Variants in ACTN1 observed in about 807,000 individuals in gnomAD.
ACTN1 encodes the protein actinin alpha 1.
A neutral mutation model predicts 119.6 loss-of-function variants in ACTN1; 30 were observed. That is an observed-to-expected ratio of 0.25 (90% CI 0.19 to 0.34). The LOEUF is 0.34. ACTN1 is among the 10% of genes least tolerant of loss of function. ACTN1 has a pLI of 1.00. For missense variants in ACTN1, 764 were observed against 1,223.4 expected, an observed-to-expected ratio of 0.62 and a Z score of 5.60; for synonymous variants, 429 against 472.6, an observed-to-expected ratio of 0.91 and a Z score of 1.20.
At chr14:68,967,525 A>T (rs1443846463) in intron 1 of ACTN1, among the ~76,000 whole-genome samples, 1 of 152,236 alleles carries the variant, frequency 6.6e-6, no homozygotes, top group Admixed American at 6.5e-5. Flanking sequence ...GATCAGTTAC[A>T]GATCAGTGAC....
At chr14:68,951,355 A>T (rs967535204) in intron 1 of ACTN1, among the ~76,000 whole-genome samples, 2 of 152,212 alleles carry the variant, frequency 1.3e-5, no homozygotes, top group Non-Finnish European at 2.9e-5. Flanking sequence ...CCTCCACTAC[A>T]GGAGAGGAAG....
chr14:68,927,309 C>A (rs1404354275), intron 1 of ACTN1, among the ~76,000 whole-genome samples: 1 of 152,220 alleles, frequency 6.6e-6, no homozygotes, highest in East Asian at 1.9e-4. Context: ...TAGCACCCTG[C>A]ATTCACCCAT....
intron 1 of ACTN1, among the ~76,000 whole-genome samples, chr14:68,940,501 C>T (rs1206536157): frequency 6.6e-6 from 1 of 151,930 alleles, no homozygotes. Context: ...TGGGGTTGGG[C>T]TAAGAATTAA....
Position 68,897,111 on chromosome 14 carries a change from T to C in ACTN1, c.763-3364A>G, listed in dbSNP as rs2032936352. 2.0e-5 allele frequency among the ~76,000 whole-genome samples: 3 copies of C among 152,104 alleles called. No homozygotes were observed. In the South Asian group the frequency reaches 6.2e-4, roughly 32 times the overall value. The stretch of plus-strand genomic sequence containing the variant: ...CATCCTCCTGCCTCAGCCTCCCGAG[T>C]AGCTGGGATTACAGGTGCATGCGCC... On this transcript the variant is annotated intron_variant, in intron 8 of 21. Transcript: ENST00000394419.
In ACTN1 at chr14:68,969,317, G is replaced by A. The variant is rs2036804442; in HGVS notation, c.105+9635C>T. ...TGCAGCCCCAGCCACCAGTATCCGA[G>A]ATGAAGGACAGGAAACCAGGGGTCT... On this transcript the variant is annotated intron_variant, in intron 1 of 21. Transcript: ENST00000394419. 2.0e-5 allele frequency among the ~76,000 whole-genome samples: 3 copies of A among 152,198 alleles called. No homozygotes were observed. In the South Asian group the frequency reaches 6.2e-4, roughly 32 times the overall value.
intron 1 of ACTN1, chr14:68,977,697 C>A (rs1379336736): frequency 3.2e-6 from 1 of 310,846 alleles, no homozygotes; most frequent in Non-Finnish European, 6.3e-6. Context: ...AACTACCCCC[C>A]TTTTAAGTTT....
rs939368920 is a variant in ACTN1, at chr14:68,943,130, G to A, written c.106-17458C>T. Among the ~76,000 whole-genome samples the A allele has an allele frequency of 2.6e-5, 4 of 152,294 alleles. No individual in the cohort carries two copies. In the South Asian group the frequency reaches 6.2e-4, roughly 24 times the overall value. On this transcript the variant is annotated intron_variant, in intron 1 of 21. Transcript: ENST00000394419. Reference sequence around the variant, plus strand: ...GCCTTCCTGGCCTGTCCACTAGGCCGGCGGTGGTCTGGGGTGTCAACAGCT... The same window carrying A: ...GCCTTCCTGGCCTGTCCACTAGGCCAGCGGTGGTCTGGGGTGTCAACAGCT...
In ACTN1 at chr14:68,909,449, G is replaced by A. The variant is rs1594798693; in HGVS notation, c.516-53C>T. The A allele has an allele frequency of 2.6e-6, 4 of 1,560,854 alleles. No homozygotes were observed. The highest frequency in any genetic ancestry group is 2.3e-5 in the East Asian group (1 of 44,334). ...GGCTGGTAAATGAGGCTGAACAAACGGGCAACCAGGGCAAAGCAGGGGCCT... is the reference window on the plus strand; with the variant it reads ...GGCTGGTAAATGAGGCTGAACAAACAGGCAACCAGGGCAAAGCAGGGGCCT... On this transcript the variant is annotated intron_variant, in intron 5 of 21. Transcript: ENST00000394419. The surrounding 1 kb of genome is among the most constrained non-coding windows in gnomAD (Gnocchi z 4.1).
intron 8 of ACTN1, among the ~76,000 whole-genome samples, chr14:68,895,329 C>T (rs929762874): frequency 7.2e-5 from 11 of 152,304 alleles, no homozygotes; most frequent in South Asian, 2.1e-4. Flanking sequence ...CCTGACTGAT[C>T]GCCATCTCTC....
chr14:68,950,123 G>A (rs1025055853), intron 1 of ACTN1, among the ~76,000 whole-genome samples: 3 of 151,902 alleles, frequency 2.0e-5, no homozygotes, highest in Admixed American at 6.6e-5. Flanking sequence ...ATGAAACCCC[G>A]TTTCTACTGA....
Position 68,910,695 on chromosome 14 carries a change from A to G in ACTN1, c.428-653T>C, listed in dbSNP as rs549612289. Among the ~76,000 whole-genome samples, 34 of 152,202 alleles carry G rather than the reference A, an allele frequency of 2.2e-4. No homozygotes were observed. The South Asian group carries it at 6.8e-3, about 31-fold the overall frequency. On this transcript the variant is annotated intron_variant, in intron 4 of 21. Coordinates refer to ENST00000394419, the MANE Select transcript of ACTN1 (RefSeq NM_001130004.2). The stretch of plus-strand genomic sequence containing the variant: ...TGTGCTGTGTCCCCGCCCAAATCTC[A>G]TCTTGAATTGTAGCTCCCATAATTC...
Position 68,874,991 on chromosome 14 carries a change from G to A in ACTN1, c.2613C>T (p.Arg871=), listed in dbSNP as rs768105419. ...CAGCCTGGTCGGGTGGCAGCTCGCGGCGCAGCTCGTCCATGGTAATGTAGT... is the reference window on the plus strand; with the variant it reads ...CAGCCTGGTCGGGTGGCAGCTCGCGACGCAGCTCGTCCATGGTAATGTAGT... The part of the protein sequence containing the change: ...DKNYITMDEL[R]RELPPDQAEY... Residue 871 remains arginine (R), a synonymous_variant, in exon 22 of 22, where the codon CGC becomes CGT. Transcript: ENST00000394419. 71 of 1,613,558 alleles carry A rather than the reference G, an allele frequency of 4.4e-5. No individual in the cohort carries two copies. The East Asian group carries it at 1.6e-3, about 35-fold the overall frequency.
chr14:68,882,583 G>A lies in ACTN1; in HGVS notation c.1828C>T (p.Leu610=), dbSNP rs749748545. Residue 610 remains leucine (L), a synonymous_variant, in exon 16 of 22, where the codon CTG becomes TTG. Coordinates refer to ENST00000394419, the MANE Select transcript of ACTN1 (RefSeq NM_001130004.2). This position sits in a 1 kb window ranked among gnomAD's most constrained non-coding sequence, Gnocchi z 4.5. ...INGKWDHVRQ[L]VPRRDQALTE... ...AGAGCTTGGTCCCTCCGAGGCACCA[G>A]CTGCCGCACCTGGGGCAGGAACAAC... The A allele has an allele frequency of 6.2e-7, 1 of 1,614,156 alleles. No individual in the cohort carries two copies. Among genetic ancestry groups the A allele is most frequent in the Non-Finnish European group, 8.5e-7 (1 of 1,180,008 alleles).
In ACTN1 at chr14:68,882,355, C is replaced by T. The variant is rs894998897; in HGVS notation, c.1953+103G>A. On this transcript the variant is annotated intron_variant, in intron 16 of 21. Coordinates refer to ENST00000394419, the MANE Select transcript of ACTN1 (RefSeq NM_001130004.2). The surrounding 1 kb of genome is among the most constrained non-coding windows in gnomAD (Gnocchi z 4.5). ...CCCACGGTGGGCTCCGGGCCTCAGT[C>T]CTCCATGGGTCCCACCCAGGGAGAC... The T allele has an allele frequency of 2.0e-6, 3 of 1,505,920 alleles. No individual in the cohort carries two copies. The highest frequency in any genetic ancestry group is 2.7e-6 in the Non-Finnish European group (3 of 1,111,322). The allele number at this position is 1,505,920 out of a possible 1,614,324, so 93.3% of individuals were successfully genotyped here.
chr14:68,957,668 A>G, intron 1 of ACTN1, among the ~76,000 whole-genome samples: 1 of 152,200 alleles, frequency 6.6e-6, no homozygotes, highest in East Asian at 1.9e-4. Flanking sequence ...ACCCAGTAAC[A>G]GAAGCAACTC....
At chr14:68,896,227 C>T (rs925939635) in intron 8 of ACTN1, among the ~76,000 whole-genome samples, 1 of 152,156 alleles carries the variant, frequency 6.6e-6, no homozygotes, top group African/African-American at 2.4e-5. Flanking sequence ...ACGGCAGAAT[C>T]CTCAGAACCT....
Position 68,912,178 on chromosome 14 carries a change from G to A in ACTN1, c.405C>T (p.Ala135=). 1 of 1,614,138 alleles carries A rather than the reference G, an allele frequency of 6.2e-7. No homozygotes were observed. The highest frequency in any genetic ancestry group is 8.5e-7 in the Non-Finnish European group (1 of 1,180,012). ...GMIWTIILRF[A]IQDISVEETS... Reference sequence around the variant, plus strand: ...CACCTTCCACGGAGATGTCCTGGATGGCAAAGCGCAGGATGATGGTCCAGA... The same window carrying A: ...CACCTTCCACGGAGATGTCCTGGATAGCAAAGCGCAGGATGATGGTCCAGA... The change falls in exon 4 of 22, where the codon GCC becomes GCT. Residue 135 remains alanine, a synonymous_variant. Coordinates refer to ENST00000394419, the MANE Select transcript of ACTN1 (RefSeq NM_001130004.2).
At chr14:68,875,067 G>C (rs955053748) in intron 21 of ACTN1, 50 bp from the exon 22 acceptor site, 3 of 1,604,278 alleles carry the variant, frequency 1.9e-6, no homozygotes, top group East Asian at 2.2e-5. Flanking sequence ...CAGCCGTAAA[G>C]CGGCGCGGCC....
intron 1 of ACTN1, among the ~76,000 whole-genome samples, chr14:68,954,919 T>C (rs74592689): frequency 6.6e-6 from 1 of 152,158 alleles, no homozygotes; most frequent in East Asian, 1.9e-4. Context: ...GGCCTCCAGA[T>C]GAAGTGTCCT....
Sources: allele counts gnomAD v4.1 joint callset (sites outside exome capture counted in the v4.1 genomes callset), GRCh38; gene constraint gnomAD v4.1.1; non-coding constraint Gnocchi (gnomAD v3.1); transcripts MANE v1.5; gene names NCBI Gene and HGNC (gene_info 2026-07-23, HGNC 2026-07-21).